Variants in R3HCC1L observed in about 807,000 individuals in gnomAD.
R3HCC1L encodes R3H domain and coiled-coil containing 1 like.
R3HCC1L carries 51 observed loss-of-function variants against 59.9 expected under a neutral mutation model. That is an observed-to-expected ratio of 0.85 (90% CI 0.68 to 1.07). R3HCC1L has a LOEUF of 1.07. Among genes scored for constraint, R3HCC1L ranks in the 50% least tolerant of loss-of-function variants. The pLI is 0.00. For synonymous variants in R3HCC1L, 322 were observed against 315.2 expected, an observed-to-expected ratio of 1.02 and a Z score of -0.23; for missense variants, 965 against 933.0, an observed-to-expected ratio of 1.03 and a Z score of -0.45.
In R3HCC1L at chr10:98,209,796, C is replaced by T; in HGVS notation, c.1682C>T (p.Ala561Val). ...SSMETSIEPK[A>V]TETSHTEGIT... ...ATGGAAACATCCATCGAACCAAAAG[C>T]AACTGAAACTTCTCACACAGAGGGA... The change falls in exon 5 of 10, where the codon GCA becomes GTA. Residue 561 changes from alanine to valine, a missense_variant. Ala to Val is a moderately conservative substitution (Grantham distance 64, BLOSUM62 0). Transcript: ENST00000298999. 1 of 1,613,818 alleles carries T rather than the reference C, an allele frequency of 6.2e-7. No homozygotes were observed. Among genetic ancestry groups the T allele is most frequent in the East Asian group, 2.2e-5 (1 of 44,864 alleles).
chr10:98,147,432 A>G (rs917378476), intron 1 of R3HCC1L, among the ~76,000 whole-genome samples: 4 of 151,902 alleles, frequency 2.6e-5, no homozygotes, highest in Non-Finnish European at 4.4e-5. Flanking sequence ...CCATTTGTCT[A>G]TTTTGCCTGG....
At chr10:98,232,402 G>A (rs1856500615) in intron 6 of R3HCC1L, among the ~76,000 whole-genome samples, 1 of 152,166 alleles carries the variant, frequency 6.6e-6, no homozygotes, top group South Asian at 2.1e-4. Context: ...ACTGATATAT[G>A]TGGGTTTGAG....
At chr10:98,171,790 A>G (rs555588512) in intron 4 of R3HCC1L, among the ~76,000 whole-genome samples, 6 of 152,276 alleles carry the variant, frequency 3.9e-5, no homozygotes, top group East Asian at 3.9e-4. Context: ...ACAACATTCG[A>G]TTATACAAGT....
In R3HCC1L at chr10:98,209,241, G is replaced by T. The variant is rs762302019; in HGVS notation, c.1127G>T (p.Cys376Phe). Residue 376 changes from cysteine to phenylalanine, a missense_variant, in exon 5 of 10, where the codon TGT becomes TTT. Transcript: ENST00000298999. ...KNVGDITNKACMMDTTGMSCS... is the reference protein window; with the variant it reads ...KNVGDITNKAFMMDTTGMSCS... Reference sequence around the variant, plus strand: ...GTAGGTGACATTACCAATAAAGCATGTATGATGGACACTACAGGTATGTCC... The same window carrying T: ...GTAGGTGACATTACCAATAAAGCATTTATGATGGACACTACAGGTATGTCC... 8.7e-6 allele frequency: 14 copies of T among 1,613,778 alleles called. No homozygotes were observed. Among genetic ancestry groups the T allele is most frequent in the Middle Eastern group, 1.6e-4 (1 of 6,084 alleles).
intron 4 of R3HCC1L, among the ~76,000 whole-genome samples, chr10:98,200,590 G>A (rs958272783): frequency 6.6e-6 from 1 of 152,018 alleles, no homozygotes; most frequent in Non-Finnish European, 1.5e-5. Context: ...AATAACTTTT[G>A]TAGTATAGAA....
intron 4 of R3HCC1L, among the ~76,000 whole-genome samples, chr10:98,187,981 G>C (rs1379559740): frequency 6.6e-6 from 1 of 151,966 alleles, no homozygotes; most frequent in African/African-American, 2.4e-5. Context: ...GGACTTAAGT[G>C]ATCCTCCCAT....
chr10:98,174,739 C>G (rs1848834909), intron 4 of R3HCC1L: 1 of 983,574 alleles, frequency 1.0e-6, no homozygotes, highest in Middle Eastern at 5.2e-4. Flanking sequence ...TAGATTGACA[C>G]CAAATCATGG....
At chr10:98,242,634 T>G (rs897321796) in intron 9 of R3HCC1L, among the ~76,000 whole-genome samples, 1 of 152,250 alleles carries the variant, frequency 6.6e-6, no homozygotes, top group Non-Finnish European at 1.5e-5. Flanking sequence ...ATTTTTCTAC[T>G]GCTCTCGAAT....
rs542901557 is a variant in R3HCC1L, at chr10:98,208,608, A to G, written c.494A>G (p.Gln165Arg). 3 of 1,614,140 alleles carry G rather than the reference A, an allele frequency of 1.9e-6. No individual in the cohort carries two copies. The highest frequency in any genetic ancestry group is 1.1e-5 in the South Asian group (1 of 91,084). The part of the protein sequence containing the change: ...VTGHERILLS[Q>R]ACLEISEAQV... ...GGACATGAGAGGATACTTCTTTCACAGGCCTGTTTAGAAATCAGCGAGGCT... is the reference window on the plus strand; with the variant it reads ...GGACATGAGAGGATACTTCTTTCACGGGCCTGTTTAGAAATCAGCGAGGCT... Residue 165 changes from glutamine to arginine, a missense_variant, in exon 5 of 10, where the codon CAG becomes CGG. Gln to Arg is a conservative substitution (Grantham distance 43). Transcript: ENST00000298999.
At chr10:98,196,546 T>C (rs1281151326) in intron 4 of R3HCC1L, among the ~76,000 whole-genome samples, 2 of 152,088 alleles carry the variant, frequency 1.3e-5, no homozygotes, top group Non-Finnish European at 2.9e-5. Flanking sequence ...AGGCGTGTGC[T>C]ACCATGTCCA....
intron 5 of R3HCC1L, among the ~76,000 whole-genome samples, chr10:98,225,343 G>A (rs1427532581): frequency 1.3e-5 from 2 of 152,084 alleles, no homozygotes; most frequent in African/African-American, 4.8e-5. Context: ...TTCATCCCAT[G>A]TTATCCTCTC....
rs760856172 is a variant in R3HCC1L, at chr10:98,208,835, T to C, written c.721T>C (p.Ser241Pro). The C allele has an allele frequency of 6.2e-7, 1 of 1,614,088 alleles. No homozygotes were observed. The highest frequency in any genetic ancestry group is 1.1e-5 in the South Asian group (1 of 91,084). ...TATGATTGTACCAATAAAACTAAGC[T>C]CTGATTCTGAAATTGTACAACAAAG... ...ENMIVPIKLS[S>P]DSEIVQQSMQ... The change falls in exon 5 of 10, where the codon TCT becomes CCT. Residue 241 changes from serine (S) to proline (P), a missense_variant. Physicochemically the swap from Ser to Pro is moderately conservative, Grantham distance 74. Transcript: ENST00000298999.
Position 98,152,084 on chromosome 10 carries a change from C to G in R3HCC1L, c.-267-4009C>G, listed in dbSNP as rs557123774. On this transcript the variant is annotated intron_variant, in intron 1 of 9. Coordinates refer to ENST00000298999, the MANE Select transcript of R3HCC1L (RefSeq NM_001351015.2). The stretch of plus-strand genomic sequence containing the variant: ...TCTCCTGCCTCAGCCTGCCGAGTGC[C>G]TGCGATTGCAGGCGCGCGCCGCCAC... Among the ~76,000 whole-genome samples, 460 of 152,350 alleles carry G rather than the reference C, an allele frequency of 3.0e-3. 4 individuals carry two copies. The highest frequency in any genetic ancestry group is 9.3e-3 in the African/African-American group (386 of 41,584).
intron 5 of R3HCC1L, among the ~76,000 whole-genome samples, chr10:98,219,672 G>A (rs1355059230): frequency 6.6e-6 from 1 of 152,086 alleles, no homozygotes; most frequent in Admixed American, 6.6e-5. Flanking sequence ...ATTTCCTTAA[G>A]CATTTCTTGT....
intron 1 of R3HCC1L, among the ~76,000 whole-genome samples, chr10:98,150,955 C>T (rs111294461): frequency 7.9e-5 from 12 of 152,002 alleles, no homozygotes; most frequent in Non-Finnish European, 1.0e-4. Flanking sequence ...TCTCTTTTTC[C>T]GGTGTAGTGA....
chr10:98,180,249 A>G (rs1012246776), intron 4 of R3HCC1L, among the ~76,000 whole-genome samples: 1 of 152,126 alleles, frequency 6.6e-6, no homozygotes, highest in African/African-American at 2.4e-5. Flanking sequence ...AGATTCTGGT[A>G]TGTTGTGTTT....
chr10:98,160,960 A>G (rs1847360713), intron 2 of R3HCC1L, among the ~76,000 whole-genome samples: 1 of 152,224 alleles, frequency 6.6e-6, no homozygotes. Context: ...TGCTGTTTCT[A>G]ATATTTTGAA....
At position 98,236,105 on chromosome 10, in the gene R3HCC1L, G is replaced by C; in HGVS notation, c.2210G>C (p.Arg737Pro). The change falls in exon 9 of 10, where the codon CGA becomes CCA. Residue 737 changes from arginine (R) to proline (P), a missense_variant. Coordinates refer to ENST00000298999, the MANE Select transcript of R3HCC1L (RefSeq NM_001351015.2). ...TTAGTCATCAGTGCCCTTGGGGTTC[G>C]AAGTAAGCAGAGCAAAACCGAACGA... ...RRLVISALGV[R>P]SKQSKTEREA... is the part of the protein sequence containing the mutation. The C allele has an allele frequency of 1.9e-6, 3 of 1,613,936 alleles. No homozygotes were observed. Among genetic ancestry groups the C allele is most frequent in the Non-Finnish European group, 2.5e-6 (3 of 1,179,912 alleles).
At chr10:98,231,865 T>C (rs1478206647) in intron 6 of R3HCC1L, among the ~76,000 whole-genome samples, 178 bp downstream of exon 6, 4 of 152,242 alleles carry the variant, frequency 2.6e-5, no homozygotes, top group Non-Finnish European at 5.9e-5. Flanking sequence ...TGTTCTAAGT[T>C]CCTTAAAAAT....
Sources: allele counts gnomAD v4.1 joint callset (sites outside exome capture counted in the v4.1 genomes callset), GRCh38; gene constraint gnomAD v4.1.1; transcripts MANE v1.5; gene names NCBI Gene and HGNC (gene_info 2026-07-23, HGNC 2026-07-21).